The following MBNL2 variants were observed in gnomAD, a reference collection of about 807,000 sequenced individuals.
The protein encoded by MBNL2 is muscleblind like splicing regulator 2, also known as muscleblind-like protein 2.
Under a neutral mutation model 41.9 loss-of-function variants are expected in MBNL2, and 17 were observed. The observed-to-expected ratio is 0.41, with a 90% CI of 0.28 to 0.61. The LOEUF (loss-of-function observed/expected upper bound fraction) is 0.61. MBNL2 is among the 20% of genes least tolerant of loss of function. MBNL2 has a pLI of 0.35. For missense variants in MBNL2, 336 were observed against 505.6 expected (o/e 0.66, Z 3.22); for synonymous variants, 195 against 182.9 (o/e 1.07, Z -0.53).
intron 1 of MBNL2, among the ~76,000 whole-genome samples, chr13:97,274,624 A>T (rs2051795111): frequency 6.6e-6 from 1 of 152,220 alleles, no homozygotes; most frequent in Admixed American, 6.5e-5. Context: ...TTTTAGAAAG[A>T]CATCAAGGCT....
intron 2 of MBNL2, among the ~76,000 whole-genome samples, chr13:97,330,799 A>G (rs954419485): frequency 1.3e-5 from 2 of 152,196 alleles, no homozygotes. Context: ...TATTTTGACA[A>G]TAGCTTATCC....
intron 3 of MBNL2, among the ~76,000 whole-genome samples, chr13:97,341,340 T>C (rs192919829): frequency 2.2e-4 from 33 of 152,356 alleles, no homozygotes; most frequent in Admixed American, 9.8e-4. Context: ...TTATGACCTT[T>C]CAGAATTGAT....
chr13:97,183,036 T>C, the MBNL2 span, among the ~76,000 whole-genome samples: 1,120 of 152,338 alleles, frequency 7.4e-3, 13 homozygotes, highest in African/African-American at 0.025. Flanking sequence ...TACAGTTTAA[T>C]ATGTAATTGC....
At chr13:97,359,990 C>T (rs934368185) in intron 7 of MBNL2, among the ~76,000 whole-genome samples, 9 of 152,082 alleles carry the variant, frequency 5.9e-5, no homozygotes, top group Admixed American at 6.6e-5. Flanking sequence ...TTCTTATAAA[C>T]CCATTTTCAA....
the MBNL2 span, among the ~76,000 whole-genome samples, chr13:97,206,528 A>C: frequency 3.3e-5 from 5 of 152,154 alleles, no homozygotes; most frequent in African/African-American, 1.2e-4. Context: ...GGCAACATTT[A>C]ATATTTATTA....
At chr13:97,350,004 A>C (rs1172772898) in intron 5 of MBNL2, among the ~76,000 whole-genome samples, 1 of 152,200 alleles carries the variant, frequency 6.6e-6, no homozygotes, top group Non-Finnish European at 1.5e-5. Context: ...TGATTGACTC[A>C]GCCTGGGTCC....
chr13:97,323,558 A>G (rs2153044545), intron 2 of MBNL2, among the ~76,000 whole-genome samples: 1 of 152,302 alleles, frequency 6.6e-6, no homozygotes, highest in Non-Finnish European at 1.5e-5. Flanking sequence ...ATATAGGAAG[A>G]TGTGTATAGG....
At chr13:97,312,430 C>T (rs1224404936) in intron 2 of MBNL2, among the ~76,000 whole-genome samples, 2 of 152,080 alleles carry the variant, frequency 1.3e-5, no homozygotes, top group African/African-American at 4.8e-5. Context: ...GTTATTTTCT[C>T]TCTATTCTAA....
rs146186817 is a variant in MBNL2, at chr13:97,305,084, C to T, written c.174+28675C>T. ...TTCCTTCTTTTAATTACCAGCCCAC[C>T]CTGGATCAAGTAAGTGCTAATTACC... is the stretch of plus-strand genomic sequence containing the variant. On this transcript the variant is annotated intron_variant, in intron 2 of 8. Coordinates refer to ENST00000679496, the MANE Select transcript of MBNL2 (RefSeq NM_001382683.1). Among the ~76,000 whole-genome samples, 249 of 152,278 alleles carry T rather than the reference C, an allele frequency of 1.6e-3. 1 individual carries two copies. Among genetic ancestry groups the T allele is most frequent in the Middle Eastern group, 3.4e-3 (1 of 294 alleles).
chr13:97,280,929 C>T (rs1319905662), intron 2 of MBNL2, among the ~76,000 whole-genome samples: 1 of 152,184 alleles, frequency 6.6e-6, no homozygotes, highest in Non-Finnish European at 1.5e-5. Flanking sequence ...GATCCCATTT[C>T]CTTCTCACCT....
intron 5 of MBNL2, among the ~76,000 whole-genome samples, chr13:97,347,718 A>G (rs2062017096): frequency 6.6e-6 from 1 of 152,154 alleles, no homozygotes; most frequent in Non-Finnish European, 1.5e-5. Context: ...CCCTACTGTC[A>G]TTAGAGACCA....
intron 2 of MBNL2, among the ~76,000 whole-genome samples, chr13:97,317,531 T>G (rs539877911): frequency 6.6e-6 from 1 of 152,346 alleles, no homozygotes; most frequent in Admixed American, 6.5e-5. Context: ...GCCTAAAGTA[T>G]GCATGCAGAA....
chr13:97,338,953 A>C (rs1279226190), intron 3 of MBNL2, among the ~76,000 whole-genome samples: 1 of 152,184 alleles, frequency 6.6e-6, no homozygotes, highest in East Asian at 1.9e-4. Flanking sequence ...CCCTTGGCTA[A>C]GCCCCCTTGC....
At chr13:97,352,915 C>A (rs768403834) in intron 5 of MBNL2, among the ~76,000 whole-genome samples, 3 of 152,190 alleles carry the variant, frequency 2.0e-5, no homozygotes, top group African/African-American at 4.8e-5. Flanking sequence ...ATTAAAGGAA[C>A]AATACACCTA....
chr13:97,305,439 T>G (rs566759631), intron 2 of MBNL2, among the ~76,000 whole-genome samples: 1 of 152,108 alleles, frequency 6.6e-6, no homozygotes, highest in Non-Finnish European at 1.5e-5. Flanking sequence ...AATTTTAGAT[T>G]AACTGTTTAA....
chr13:97,195,460 G>A, the MBNL2 span, among the ~76,000 whole-genome samples: 1 of 151,934 alleles, frequency 6.6e-6, no homozygotes, highest in Non-Finnish European at 1.5e-5. Flanking sequence ...ACCTTACATA[G>A]CACAAAATTG....
chr13:97,302,730 G>A (rs554772677), intron 2 of MBNL2, among the ~76,000 whole-genome samples: 32 of 152,282 alleles, frequency 2.1e-4, no homozygotes, highest in Non-Finnish European at 4.4e-4. Context: ...GGCTGTAGTG[G>A]AGTCTGTACT....
the MBNL2 span, among the ~76,000 whole-genome samples, chr13:97,200,029 C>T: frequency 2.6e-5 from 4 of 152,298 alleles, no homozygotes; most frequent in African/African-American, 9.6e-5. Context: ...TAATTGAGAG[C>T]AAGAGCAAAT....
chr13:97,326,290 T>C (rs767649803), intron 2 of MBNL2, among the ~76,000 whole-genome samples: 1 of 152,196 alleles, frequency 6.6e-6, no homozygotes, highest in African/African-American at 2.4e-5. Context: ...ACTATTTGTG[T>C]TTTTCCCTCA....
Sources: gnomAD v4.1 joint callset for allele counts (sites outside exome capture counted in the v4.1 genomes callset) on GRCh38, gnomAD v4.1.1 for gene constraint, MANE v1.5 for transcripts, NCBI Gene and HGNC (gene_info 2026-07-23, HGNC 2026-07-21) for gene names.